The following ULK4 variants were observed in gnomAD, a reference collection of about 807,000 sequenced individuals.
ULK4 encodes the protein unc-51 like kinase 4, also known as inactive serine/threonine-protein kinase ULK4.
Under a neutral mutation model 160.6 loss-of-function variants are expected in ULK4, and 133 were observed. The observed-to-expected ratio is 0.83, with a 90% CI of 0.72 to 0.96. ULK4 has a LOEUF of 0.96. Ranked by LOEUF, ULK4 falls within the 40% of genes least tolerant of loss-of-function variation. The probability of loss-of-function intolerance (pLI) is 0.00; values close to 1 mark genes in which losing one functional copy is unlikely to be tolerated. For synonymous variants in ULK4, 534 were observed against 539.8 expected (o/e 0.99, Z 0.15); for missense variants, 1,580 against 1,499.5 (o/e 1.05, Z -0.89).
intron 32 of ULK4, among the ~76,000 whole-genome samples, chr3:41,470,926 A>T (rs956196138): frequency 6.6e-6 from 1 of 152,174 alleles, no homozygotes; most frequent in Non-Finnish European, 1.5e-5. Flanking sequence ...GGAAGAAAGA[A>T]GCAAAACAAC....
At chr3:41,657,644 C>A (rs555976189) in intron 30 of ULK4, among the ~76,000 whole-genome samples, 4 of 151,580 alleles carry the variant, frequency 2.6e-5, no homozygotes, top group African/African-American at 9.7e-5. Context: ...ATGGTGAAAC[C>A]CCATCTCTAC....
chr3:41,346,029 T>C (rs979700343), intron 35 of ULK4, among the ~76,000 whole-genome samples: 1 of 151,076 alleles, frequency 6.6e-6, no homozygotes, highest in African/African-American at 2.4e-5. Context: ...CCAGAACAGG[T>C]GGGTGCAGAG....
chr3:41,345,207 A>AT (rs1457598508), intron 35 of ULK4, among the ~76,000 whole-genome samples: 2 of 152,232 alleles, frequency 1.3e-5, no homozygotes, highest in African/African-American at 4.8e-5. Context: ...ATTGTGGATG[A>AT]CAGCGTGGCA....
chr3:41,451,057 C>T (rs2083414075), intron 34 of ULK4, among the ~76,000 whole-genome samples: 1 of 152,102 alleles, frequency 6.6e-6, no homozygotes, highest in Admixed American at 6.6e-5. Context: ...CACTGGGTGG[C>T]ATCACCATTG....
intron 35 of ULK4, among the ~76,000 whole-genome samples, chr3:41,302,093 G>C (rs1021886318): frequency 6.6e-6 from 1 of 152,182 alleles, no homozygotes; most frequent in Non-Finnish European, 1.5e-5. Context: ...TGAGAAGAAT[G>C]TTTGGCAAAC....
At chr3:41,490,591 A>C (rs2084717599) in intron 32 of ULK4, among the ~76,000 whole-genome samples, 1 of 152,142 alleles carries the variant, frequency 6.6e-6, no homozygotes, top group South Asian at 2.1e-4. Context: ...TTATCCTTTC[A>C]CATAAAATGT....
At chr3:41,710,764 C>T (rs2037066369) in intron 25 of ULK4, among the ~76,000 whole-genome samples, 1 of 150,242 alleles carries the variant, frequency 6.7e-6, no homozygotes, top group Non-Finnish European at 1.5e-5. Context: ...GCTGCACAAG[C>T]CTGGGAGACA....
intron 32 of ULK4, among the ~76,000 whole-genome samples, chr3:41,527,692 T>C (rs1313398234): frequency 6.6e-6 from 1 of 152,222 alleles, no homozygotes; most frequent in African/African-American, 2.4e-5. Flanking sequence ...ACTATTTCAT[T>C]GTATCCTCAC....
In ULK4 at chr3:41,821,410, C is replaced by T. The variant is rs75873014; in HGVS notation, c.1765-1904G>A. Among the ~76,000 whole-genome samples the T allele has an allele frequency of 7.8e-3, 1,192 of 152,220 alleles. 12 individuals are homozygous for T. Among genetic ancestry groups the T allele is most frequent in the African/African-American group, 0.028 (1,147 of 41,534 alleles). ...TATTTTAAAGCTATGACGCTCCCAC[C>T]ACTTCACCTACTCTCCTCCTTCACA... On this transcript the variant is annotated intron_variant, in intron 18 of 36. Coordinates refer to ENST00000301831, the MANE Select transcript of ULK4 (RefSeq NM_017886.4).
At chr3:41,496,959 C>G (rs2085013653) in intron 32 of ULK4, among the ~76,000 whole-genome samples, 1 of 151,508 alleles carries the variant, frequency 6.6e-6, no homozygotes, top group African/African-American at 2.4e-5. Context: ...AATTCAGATT[C>G]ACAATACAGC....
chr3:41,830,040 G>A (rs111975441), intron 18 of ULK4, among the ~76,000 whole-genome samples: 29,864 of 150,798 alleles, frequency 0.2, 3,523 homozygotes, highest in African/African-American at 0.33. Context: ...GCAAACTATC[G>A]CAAGGACAAA....
At chr3:41,376,009 T>C (rs2081481575) in intron 35 of ULK4, among the ~76,000 whole-genome samples, 1 of 150,326 alleles carries the variant, frequency 6.7e-6, no homozygotes, top group South Asian at 2.2e-4. Flanking sequence ...AAGACATTTA[T>C]GGGGCCAATA....
Position 41,383,869 on chromosome 3 carries a change from T to A in ULK4, c.3678+14210A>T, listed in dbSNP as rs77128245. Among the ~76,000 whole-genome samples the A allele has an allele frequency of 8.3e-3, 1,268 of 152,288 alleles. 18 individuals carry two copies. The highest frequency in any genetic ancestry group is 0.027 in the South Asian group (132 of 4,826). On this transcript the variant is annotated intron_variant, in intron 35 of 36. Coordinates refer to ENST00000301831, the MANE Select transcript of ULK4 (RefSeq NM_017886.4). ...TCTTCTCCCTTTTTGAGAGTTATTA[T>A]ATCTGTTACCAAGAATAGTAGATTG...
At chr3:41,931,467 ACT>A in intron 5 of ULK4, among the ~76,000 whole-genome samples, 2 of 91,224 alleles carry the variant, frequency 2.2e-5, no homozygotes, top group South Asian at 1.1e-3. Context: ...GTACCCTAGA[ACT>A]TAAAAAAAAA....
intron 17 of ULK4, among the ~76,000 whole-genome samples, chr3:41,844,405 G>A (rs1456712510): frequency 6.6e-6 from 1 of 152,170 alleles, no homozygotes; most frequent in African/African-American, 2.4e-5. Context: ...CGCAGCCGCT[G>A]GCCCAGGTGC....
chr3:41,694,685 T>C (rs750941411), intron 27 of ULK4, among the ~76,000 whole-genome samples: 3 of 152,224 alleles, frequency 2.0e-5, no homozygotes, highest in Non-Finnish European at 4.4e-5. Flanking sequence ...CAACCACCCA[T>C]ATACCTTAAA....
chr3:41,822,646 T>C (rs1320609573), intron 18 of ULK4, among the ~76,000 whole-genome samples: 1 of 151,684 alleles, frequency 6.6e-6, no homozygotes, highest in Non-Finnish European at 1.5e-5. Context: ...CTCAAACTCC[T>C]GAGCTCAGGT....
intron 18 of ULK4, among the ~76,000 whole-genome samples, chr3:41,830,170 T>C (rs1010810294): frequency 6.6e-6 from 1 of 151,978 alleles, no homozygotes; most frequent in Non-Finnish European, 1.5e-5. Flanking sequence ...TGGGGAGGGA[T>C]AGCATTAGCA....
At chr3:41,389,583 G>C (rs151235180) in intron 35 of ULK4, among the ~76,000 whole-genome samples, 2,418 of 152,188 alleles carry the variant, frequency 0.016, 74 homozygotes, top group African/African-American at 0.054. Flanking sequence ...TAGCATGAAG[G>C]GTTGTTGAAT....
Sources: allele counts gnomAD v4.1 joint callset (sites outside exome capture counted in the v4.1 genomes callset), GRCh38; gene constraint gnomAD v4.1.1; transcripts MANE v1.5; gene names NCBI Gene and HGNC (gene_info 2026-07-23, HGNC 2026-07-21).